CCNY: variants seen among roughly 807,000 people sequenced by gnomAD.
The protein encoded by CCNY is cyclin-Y.
A neutral mutation model predicts 42.8 loss-of-function variants in CCNY; 19 were observed. That is an observed-to-expected ratio of 0.44 (90% CI 0.31 to 0.65). CCNY has a LOEUF of 0.65. Ranked by LOEUF, CCNY falls within the 30% of genes least tolerant of loss-of-function variation. The pLI is 0.07. For synonymous variants in CCNY, 165 were observed against 162.7 expected (o/e 1.01, Z -0.11); for missense variants, 370 against 437.3 (o/e 0.85, Z 1.37).
chr10:35,416,159 C>CTG (rs1564402655), intron 1 of CCNY, among the ~76,000 whole-genome samples: 1 of 119,832 alleles, frequency 8.3e-6, no homozygotes, highest in African/African-American at 3.6e-5. Context: ...CTTGTGGCAC[C>CTG]CGTGTGTGTG....
chr10:35,532,167 A>C (rs1840782738), intron 7 of CCNY, among the ~76,000 whole-genome samples: 1 of 152,238 alleles, frequency 6.6e-6, no homozygotes, highest in Non-Finnish European at 1.5e-5. Context: ...TCATCAGCGC[A>C]GCTGCATGCT....
At chr10:35,462,700 C>T (rs1479464809) in intron 1 of CCNY, among the ~76,000 whole-genome samples, 1 of 152,164 alleles carries the variant, frequency 6.6e-6, no homozygotes, top group Non-Finnish European at 1.5e-5. Flanking sequence ...AGCAGAGGGG[C>T]TGGTGCTGGA....
At chr10:35,482,208 TTTTC>T (rs1263913545) in intron 1 of CCNY, among the ~76,000 whole-genome samples, 4 of 152,232 alleles carry the variant, frequency 2.6e-5, no homozygotes. Flanking sequence ...TTTACCATCC[TTTTC>T]TTTCTTTCAC....
At chr10:35,509,727 C>T (rs1840287332) in intron 3 of CCNY, among the ~76,000 whole-genome samples, 1 of 152,204 alleles carries the variant, frequency 6.6e-6, no homozygotes, top group South Asian at 2.1e-4. Flanking sequence ...TCTCTCCCAG[C>T]CGGGTGCCTT....
Position 35,569,537 on chromosome 10 carries a change from A to T in CCNY, c.*367A>T, listed in dbSNP as rs1841644797. ...CTGAAGTTGGCGAGCGCAGCGGTGG[A>T]TGCAGAGCTGGCTGCACCCAGGGCT... On this transcript the variant is annotated 3_prime_UTR_variant, in exon 10 of 10. Transcript: ENST00000374704. 3.6e-6 allele frequency: 1 copy of T among 279,102 alleles called. No individual in the cohort carries two copies. The highest frequency in any genetic ancestry group is 7.0e-6 in the Non-Finnish European group (1 of 142,872). 17.3% of individuals were successfully genotyped at this position (279,102 alleles called of 1,614,324 possible).
intron 1 of CCNY, among the ~76,000 whole-genome samples, chr10:35,339,259 A>G (rs1012667128): frequency 2.0e-5 from 3 of 152,214 alleles, no homozygotes; most frequent in Non-Finnish European, 2.9e-5. Flanking sequence ...GGACATTGCC[A>G]TTAATATGTT....
At chr10:35,515,409 C>T (rs1840408007) in intron 3 of CCNY, among the ~76,000 whole-genome samples, 1 of 152,162 alleles carries the variant, frequency 6.6e-6, no homozygotes, top group African/African-American at 2.4e-5. Context: ...CTCAGACTGC[C>T]TCACATTTTC....
intron 1 of CCNY, among the ~76,000 whole-genome samples, chr10:35,384,234 A>G (rs1837255027): frequency 6.6e-6 from 1 of 152,228 alleles, no homozygotes; most frequent in Non-Finnish European, 1.5e-5. Context: ...GCATCACACA[A>G]GCAGTTTATA....
chr10:35,467,997 G>C (rs947611110), intron 1 of CCNY, among the ~76,000 whole-genome samples: 1 of 152,136 alleles, frequency 6.6e-6, no homozygotes. Flanking sequence ...CTATTGAATT[G>C]TAGATTTCAT....
chr10:35,420,026 T>C (rs1479168078), intron 1 of CCNY, among the ~76,000 whole-genome samples: 4 of 152,034 alleles, frequency 2.6e-5, no homozygotes, highest in African/African-American at 9.7e-5. Flanking sequence ...TGAAAAGTTT[T>C]GCTGACTCCT....
At chr10:35,248,762 C>T (rs2095709870) in intron 2 of CCNY, among the ~76,000 whole-genome samples, 1 of 152,084 alleles carries the variant, frequency 6.6e-6, no homozygotes, top group Non-Finnish European at 1.5e-5. Flanking sequence ...TCACTTGATC[C>T]CAGGAGGCTG....
chr10:35,343,086 T>G (rs1836221170), intron 1 of CCNY, among the ~76,000 whole-genome samples: 1 of 147,212 alleles, frequency 6.8e-6, no homozygotes, highest in African/African-American at 2.5e-5. Flanking sequence ...CACTGCAACC[T>G]CTGCCTCCCA....
chr10:35,306,682 C>A (rs1589027159), intron 3 of CCNY, among the ~76,000 whole-genome samples: 1 of 152,182 alleles, frequency 6.6e-6, no homozygotes, highest in South Asian at 2.1e-4. Flanking sequence ...GCCCTCTCCC[C>A]TTCTCCCACA....
intron 9 of CCNY, among the ~76,000 whole-genome samples, chr10:35,566,485 G>A (rs1841575163): frequency 6.6e-6 from 1 of 152,192 alleles, no homozygotes; most frequent in South Asian, 2.1e-4. Flanking sequence ...GGGATTACAG[G>A]TGCCTGCCAC....
intron 3 of CCNY, among the ~76,000 whole-genome samples, chr10:35,503,903 T>G (rs944256833): frequency 1.3e-5 from 2 of 152,244 alleles, no homozygotes; most frequent in Non-Finnish European, 2.9e-5. Context: ...CTTGCTTATC[T>G]GAACTTAGAG....
intron 3 of CCNY, among the ~76,000 whole-genome samples, chr10:35,274,709 A>C (rs537839535): frequency 6.6e-6 from 1 of 152,284 alleles, no homozygotes; most frequent in Admixed American, 6.5e-5. Context: ...GTCCCGAGGG[A>C]AGACTGAAAT....
intron 3 of CCNY, among the ~76,000 whole-genome samples, chr10:35,276,032 GACT>G (rs1373399664): frequency 1.3e-5 from 2 of 152,216 alleles, no homozygotes; most frequent in African/African-American, 4.8e-5. Context: ...TTTGCAGAAG[GACT>G]GGGGAATCAC....
chr10:35,533,707 T>G (rs902032123), intron 7 of CCNY, among the ~76,000 whole-genome samples: 2 of 152,246 alleles, frequency 1.3e-5, no homozygotes, highest in African/African-American at 4.8e-5. Flanking sequence ...CTCCACTTGC[T>G]TATCACCTGT....
chr10:35,271,033 T>C (rs1453858162), intron 3 of CCNY, among the ~76,000 whole-genome samples: 1 of 152,150 alleles, frequency 6.6e-6, no homozygotes, highest in Admixed American at 6.6e-5. Flanking sequence ...CCTTGGTATA[T>C]TTTTATTGAG....
Sources: gnomAD v4.1 joint callset for allele counts (sites outside exome capture counted in the v4.1 genomes callset) on GRCh38, gnomAD v4.1.1 for gene constraint, MANE v1.5 for transcripts, NCBI Gene and HGNC (gene_info 2026-07-23, HGNC 2026-07-21) for gene names.